Variants in PCDH15 observed in about 807,000 individuals in gnomAD.
The protein encoded by PCDH15 is protocadherin related 15, also known as protocadherin-15.
A neutral mutation model predicts 178.5 loss-of-function variants in PCDH15; 129 were observed. The ratio of observed to expected loss-of-function variants is 0.72; its 90% CI spans 0.63 to 0.84. The LOEUF is 0.84. Among genes scored for constraint, PCDH15 ranks in the 40% least tolerant of loss-of-function variants. The probability of loss-of-function intolerance (pLI) is 0.00; values close to 1 mark genes in which losing one functional copy is unlikely to be tolerated. For synonymous variants in PCDH15, 800 were observed against 732.0 expected (o/e 1.09, Z -1.50); for missense variants, 2,230 against 2,099.9 (o/e 1.06, Z -1.21).
chr10:54,049,755 G>A (rs1042038909), intron 18 of PCDH15, among the ~76,000 whole-genome samples: 1 of 151,894 alleles, frequency 6.6e-6, no homozygotes, highest in South Asian at 2.1e-4. Context: ...CAAGTAGCTT[G>A]CACTACAAGC....
At chr10:55,127,779 C>T (rs376219825) in intron 2 of PCDH15, among the ~76,000 whole-genome samples, 18 of 152,120 alleles carry the variant, frequency 1.2e-4, no homozygotes, top group African/African-American at 3.6e-4. Flanking sequence ...CAATCATTTA[C>T]GTATAACCTT....
chr10:54,709,629 A>ATAT (rs1414000212), intron 1 of PCDH15, among the ~76,000 whole-genome samples: 2 of 113,740 alleles, frequency 1.8e-5, no homozygotes, highest in Non-Finnish European at 4.0e-5. Flanking sequence ...TATATATATA[A>ATAT]AATCACTTTA....
chr10:54,797,813 G>A (rs1952197162), intron 1 of PCDH15, among the ~76,000 whole-genome samples: 1 of 151,892 alleles, frequency 6.6e-6, no homozygotes. Flanking sequence ...CAGGGGGGGA[G>A]CGGGGTGTGT....
intron 26 of PCDH15, among the ~76,000 whole-genome samples, chr10:53,883,129 AAATACATAAG>A (rs2080848980): frequency 6.6e-6 from 1 of 151,230 alleles, no homozygotes; most frequent in Non-Finnish European, 1.5e-5. Flanking sequence ...ATACATATAA[AAATACATAAG>A]AATACACACA....
chr10:55,198,262 G>GTT (rs1840147988), intron 1 of PCDH15, among the ~76,000 whole-genome samples: 1 of 152,038 alleles, frequency 6.6e-6, no homozygotes, highest in Middle Eastern at 3.2e-3. Context: ...GCTTGATATG[G>GTT]TTTGGCTCTG....
intron 14 of PCDH15, among the ~76,000 whole-genome samples, chr10:54,146,658 T>C (rs1036554751): frequency 1.3e-5 from 2 of 151,568 alleles, no homozygotes; most frequent in African/African-American, 4.8e-5. Flanking sequence ...CTTTAGCTGG[T>C]TTACTAAATT....
chr10:54,212,100 A>G (rs1394391109), intron 10 of PCDH15, among the ~76,000 whole-genome samples: 1 of 152,112 alleles, frequency 6.6e-6, no homozygotes, highest in Admixed American at 6.6e-5. Flanking sequence ...AAGGAAAATA[A>G]TTGATTTTTG....
chr10:54,535,709 CAAAAAAAA>C (rs71010382), intron 2 of PCDH15, among the ~76,000 whole-genome samples: 4 of 42,600 alleles, frequency 9.4e-5, no homozygotes, highest in Non-Finnish European at 1.2e-4. Flanking sequence ...GACTCCACCT[CAAAAAAAA>C]AAAAAAAAAA....
intron 1 of PCDH15, among the ~76,000 whole-genome samples, chr10:55,249,724 A>G (rs1277349196): frequency 2.0e-5 from 3 of 152,108 alleles, no homozygotes; most frequent in Admixed American, 2.0e-4. Context: ...TAACAAATAT[A>G]TGTTACACTT....
chr10:55,159,636 A>C (rs1415918778), intron 2 of PCDH15, among the ~76,000 whole-genome samples: 1 of 147,978 alleles, frequency 6.8e-6, no homozygotes, highest in Admixed American at 6.8e-5. Context: ...TCTTAAAGAG[A>C]TATATATAAA....
At chr10:55,511,248 A>G (rs1372719121) in intron 2 of PCDH15, among the ~76,000 whole-genome samples, 2 of 137,610 alleles carry the variant, frequency 1.5e-5, no homozygotes, top group African/African-American at 2.6e-5. Context: ...TTTGGAAAGA[A>G]AAAAGTCTGA....
intron 2 of PCDH15, among the ~76,000 whole-genome samples, chr10:55,327,940 C>G (rs1844078016): frequency 6.6e-6 from 1 of 151,988 alleles, no homozygotes; most frequent in Non-Finnish European, 1.5e-5. Flanking sequence ...AGTCAGGATA[C>G]AAAACATATG....
At chr10:53,902,503 A>G (rs115883679) in intron 26 of PCDH15, among the ~76,000 whole-genome samples, 3,146 of 152,276 alleles carry the variant, frequency 0.021, 109 homozygotes, top group African/African-American at 0.068. Context: ...TAACTCCGCA[A>G]TTGAGAATCC....
chr10:53,812,862 A>G (rs887892452), intron 35 of PCDH15, among the ~76,000 whole-genome samples: 4 of 152,274 alleles, frequency 2.6e-5, no homozygotes, highest in Middle Eastern at 6.8e-3. Context: ...TAAAAATTTA[A>G]TTTTGTTGAT....
intron 3 of PCDH15, among the ~76,000 whole-genome samples, chr10:54,493,311 G>T (rs2079781913): frequency 6.7e-6 from 1 of 149,040 alleles, no homozygotes; most frequent in African/African-American, 2.4e-5. Context: ...TTCTCTGGGG[G>T]TGGGGGCAAA....
rs758024820 is a variant in PCDH15 at position 54,525,988 on chromosome 10, ACTCTGG to A, written c.157+1818_157+1823del. Among the ~76,000 whole-genome samples, 28 of 152,288 alleles carry A rather than the reference ACTCTGG, an allele frequency of 1.8e-4. No homozygotes were observed. In the East Asian group the frequency reaches 4.8e-3, roughly 26 times the overall value. On this transcript the variant is annotated intron_variant, in intron 3 of 37. Coordinates refer to ENST00000644397, the MANE Select transcript of PCDH15 (RefSeq NM_001384140.1). ...TATACTTCTTGTGATGACTTAAATA[ACTCTGG>A]CAGCTTTCTGAGTAGTTGGCAGTTT...
intron 20 of PCDH15, among the ~76,000 whole-genome samples, chr10:54,019,590 A>G (rs16937868): frequency 0.027 from 4,052 of 152,176 alleles, 89 homozygotes; most frequent in East Asian, 0.11. Flanking sequence ...AAATCACTAG[A>G]AATTCAAAAA....
At chr10:55,291,339 T>C (rs1259713281) in intron 1 of PCDH15, among the ~76,000 whole-genome samples, 2 of 152,194 alleles carry the variant, frequency 1.3e-5, no homozygotes, top group African/African-American at 4.8e-5. Context: ...GAATATATGA[T>C]TGAAGCAAAG....
At chr10:55,074,583 T>G (rs1475919800) in intron 2 of PCDH15, among the ~76,000 whole-genome samples, 1 of 152,140 alleles carries the variant, frequency 6.6e-6, no homozygotes, top group Non-Finnish European at 1.5e-5. Flanking sequence ...TTTTTGTAAA[T>G]TTATTTAAGT....
Sources: gnomAD v4.1 joint callset for allele counts (sites outside exome capture counted in the v4.1 genomes callset) on GRCh38, gnomAD v4.1.1 for gene constraint, MANE v1.5 for transcripts, NCBI Gene and HGNC (gene_info 2026-07-23, HGNC 2026-07-21) for gene names.